GPHN: variants seen among roughly 807,000 people sequenced by gnomAD.
The protein encoded by GPHN is gephyrin.
GPHN carries 17 observed loss-of-function variants against 95.5 expected under a neutral mutation model. That is an observed-to-expected ratio of 0.18 (90% CI 0.12 to 0.27). The LOEUF is 0.27. GPHN is among the 10% of genes least tolerant of loss of function. The probability of loss-of-function intolerance (pLI) is 1.00; values close to 1 mark genes in which losing one functional copy is unlikely to be tolerated. For missense variants in GPHN, 660 were observed against 978.1 expected (o/e 0.67, Z 4.34); for synonymous variants, 320 against 322.5 (o/e 0.99, Z 0.08).
chr14:66,989,492 A>T lies in GPHN; in HGVS notation c.963+24167A>T, dbSNP rs2071256217. Among the ~76,000 whole-genome samples the T allele has an allele frequency of 2.0e-5, 3 of 152,046 alleles. No individual in the cohort carries two copies. The South Asian group carries it at 6.2e-4, about 32-fold the overall frequency. On this transcript the variant is annotated intron_variant, in intron 9 of 22. Transcript: ENST00000478722. Reference sequence around the variant, plus strand: ...AATTTGATGCCTTAAAAATTAGGTTATCTCATGCCATTATTTAATTTCTTT... The same window carrying T: ...AATTTGATGCCTTAAAAATTAGGTTTTCTCATGCCATTATTTAATTTCTTT...
chr14:66,510,166 A>T (rs2057985029), intron 1 of GPHN, among the ~76,000 whole-genome samples: 1 of 152,216 alleles, frequency 6.6e-6, no homozygotes, highest in Non-Finnish European at 1.5e-5. Context: ...CCTGGAGCTG[A>T]CATTGCCAAT....
At chr14:67,721,222 C>T in the GPHN span, among the ~76,000 whole-genome samples, 13 of 152,138 alleles carry the variant, frequency 8.5e-5, no homozygotes, top group South Asian at 8.3e-4. Context: ...TGTCCCAGCT[C>T]CTTGTCTATT....
the GPHN span, among the ~76,000 whole-genome samples, chr14:67,516,316 C>T: frequency 2.0e-5 from 3 of 152,112 alleles, no homozygotes; most frequent in Non-Finnish European, 1.5e-5. Flanking sequence ...GAGAGGGTAC[C>T]CTTTCTAATT....
the GPHN span, among the ~76,000 whole-genome samples, chr14:67,527,674 C>G: frequency 1.1e-4 from 16 of 152,176 alleles, no homozygotes; most frequent in African/African-American, 3.6e-4. Context: ...CCGCAGCAGC[C>G]CCTCATTCCC....
chr14:66,524,390 A>G (rs1482745932), intron 1 of GPHN, among the ~76,000 whole-genome samples: 1 of 152,176 alleles, frequency 6.6e-6, no homozygotes, highest in East Asian at 1.9e-4. Flanking sequence ...TATAAAAGGG[A>G]AAAGATACTT....
At chr14:67,689,986 C>A in the GPHN span, 1 of 513,106 alleles carries the variant, frequency 1.9e-6, no homozygotes, top group Non-Finnish European at 3.5e-6. Flanking sequence ...GATCACACAG[C>A]TAGTAAGTAG....
At chr14:67,429,891 A>G in the GPHN span, among the ~76,000 whole-genome samples, 148 of 152,324 alleles carry the variant, frequency 9.7e-4, no homozygotes, top group Middle Eastern at 3.4e-3. Flanking sequence ...AACAGCTTTA[A>G]GAGCTCTGTT....
the GPHN span, chr14:67,587,473 T>C: frequency 7.2e-6 from 4 of 552,200 alleles, no homozygotes; most frequent in Admixed American, 9.3e-5. Context: ...TTCATAAGAA[T>C]AATGACTCCA....
the GPHN span, among the ~76,000 whole-genome samples, chr14:67,544,592 A>G: frequency 6.6e-6 from 1 of 152,268 alleles, no homozygotes; most frequent in Non-Finnish European, 1.5e-5. Context: ...AGACTATGAA[A>G]TAAATGAGTT....
chr14:67,677,262 A>G, the GPHN span: 3 of 152,056 alleles, frequency 2.0e-5, no homozygotes, highest in Non-Finnish European at 4.4e-5. Flanking sequence ...ATGTAAGGAA[A>G]TGCCCCAAAA....
At chr14:67,148,980 G>C (rs2081075232) in intron 18 of GPHN, among the ~76,000 whole-genome samples, 1 of 152,126 alleles carries the variant, frequency 6.6e-6, no homozygotes, top group Non-Finnish European at 1.5e-5. Context: ...GAGTGAATCA[G>C]ATATGAGAAT....
At chr14:67,292,435 G>A in the GPHN span, 2 of 1,013,540 alleles carry the variant, frequency 2.0e-6, no homozygotes, top group East Asian at 5.0e-5. Flanking sequence ...CTGGTTCAAA[G>A]AAATGTTCTC....
the GPHN span, among the ~76,000 whole-genome samples, chr14:67,612,873 A>G: frequency 3.0e-4 from 46 of 152,092 alleles, no homozygotes; most frequent in African/African-American, 9.9e-4. Context: ...TGAACCAGGG[A>G]GGTGGAGGTC....
the GPHN span, among the ~76,000 whole-genome samples, chr14:67,639,724 C>T: frequency 6.6e-6 from 1 of 151,996 alleles, no homozygotes; most frequent in Non-Finnish European, 1.5e-5. Flanking sequence ...AGTTCGAGAC[C>T]AGCCTAGCCA....
intron 9 of GPHN, among the ~76,000 whole-genome samples, chr14:66,966,785 A>G (rs531355821): frequency 7.2e-5 from 11 of 152,126 alleles, no homozygotes; most frequent in Admixed American, 5.2e-4. Context: ...TTCCTTAATA[A>G]TATGCTGAAA....
At chr14:66,940,682 T>C (rs2067378985) in intron 8 of GPHN, among the ~76,000 whole-genome samples, 1 of 152,234 alleles carries the variant, frequency 6.6e-6, no homozygotes, top group African/African-American at 2.4e-5. Context: ...CTCACCTGCA[T>C]TGTGCCTTTT....
At chr14:66,547,637 G>T (rs369334658) in intron 1 of GPHN, among the ~76,000 whole-genome samples, 5 of 152,242 alleles carry the variant, frequency 3.3e-5, no homozygotes, top group African/African-American at 9.6e-5. Context: ...GCTGAGGCTC[G>T]GTGTGGTGAT....
At chr14:66,879,488 C>T (rs1340052768) in intron 4 of GPHN, among the ~76,000 whole-genome samples, 2 of 151,882 alleles carry the variant, frequency 1.3e-5, no homozygotes. Context: ...TCTTGAGATC[C>T]TTTTAATTCT....
the GPHN span, chr14:67,199,472 A>G: frequency 6.2e-7 from 1 of 1,613,100 alleles, no homozygotes; most frequent in Non-Finnish European, 8.5e-7. Flanking sequence ...GGACCCTGAC[A>G]CAGGCAACTC....
Sources: allele counts gnomAD v4.1 joint callset (sites outside exome capture counted in the v4.1 genomes callset), GRCh38; gene constraint gnomAD v4.1.1; transcripts MANE v1.5; gene names NCBI Gene and HGNC (gene_info 2026-07-23, HGNC 2026-07-21).